CDH12: variants seen among roughly 807,000 people sequenced by gnomAD.
The protein encoded by CDH12 is cadherin 12.
A neutral mutation model predicts 74.1 loss-of-function variants in CDH12; 41 were observed. That is an observed-to-expected ratio of 0.55 (90% confidence interval 0.43 to 0.72). The LOEUF (loss-of-function observed/expected upper bound fraction) is 0.72, where lower values mean the gene tolerates loss of function less well. CDH12 is among the 30% of genes least tolerant of loss of function. CDH12 has a pLI of 0.00. For synonymous variants in CDH12, 399 were observed against 355.0 expected (o/e 1.12, Z -1.39); for missense variants, 945 against 977.2 (o/e 0.97, Z 0.44).
intron 4 of CDH12, among the ~76,000 whole-genome samples, chr5:22,093,918 A>T (rs1743588261): frequency 1.3e-5 from 2 of 152,296 alleles, no homozygotes; most frequent in Admixed American, 1.3e-4. Context: ...ATGTGTTAAT[A>T]TATTTTACAT....
chr5:22,316,696 T>G (rs1181542210), intron 3 of CDH12, among the ~76,000 whole-genome samples: 2 of 152,138 alleles, frequency 1.3e-5, no homozygotes, highest in East Asian at 3.8e-4. Flanking sequence ...AATGTTTATG[T>G]TGTTATTTTT....
At chr5:22,580,014 A>G (rs1444324468) in intron 1 of CDH12, among the ~76,000 whole-genome samples, 1 of 152,010 alleles carries the variant, frequency 6.6e-6, no homozygotes, top group South Asian at 2.1e-4. Context: ...CCCCGCTCAC[A>G]TTAACTCTAG....
chr5:21,760,536 A>C, intron 13 of CDH12, 22 bp downstream of exon 13: 1 of 1,213,464 alleles, frequency 8.2e-7, no homozygotes, highest in Non-Finnish European at 1.2e-6. Flanking sequence ...TAAGAGGTAA[A>C]TTTTTCTGTA....
At chr5:21,935,671 C>T (rs551779350) in intron 6 of CDH12, among the ~76,000 whole-genome samples, 1 of 152,324 alleles carries the variant, frequency 6.6e-6, no homozygotes, top group African/African-American at 2.4e-5. Context: ...GTTGTGCTAG[C>T]AAATGCTAGG....
intron 8 of CDH12, among the ~76,000 whole-genome samples, chr5:21,832,860 AT>A (rs1356843929): frequency 6.8e-5 from 2 of 29,310 alleles, no homozygotes; most frequent in African/African-American, 1.8e-4. Context: ...TATATGATAT[AT>A]ATCATATGAT....
chr5:21,993,668 T>C (rs558996870), intron 5 of CDH12, among the ~76,000 whole-genome samples: 3 of 152,242 alleles, frequency 2.0e-5, no homozygotes, highest in African/African-American at 4.8e-5. Flanking sequence ...CAAAGCTGCT[T>C]CTTCCCTAAG....
chr5:22,823,378 TATA>T (rs767344950), intron 1 of CDH12, among the ~76,000 whole-genome samples: 2 of 151,976 alleles, frequency 1.3e-5, no homozygotes, highest in Non-Finnish European at 2.9e-5. Flanking sequence ...AAACTTAAAG[TATA>T]ATAATAATTT....
At chr5:21,790,542 T>C (rs1727555270) in intron 10 of CDH12, among the ~76,000 whole-genome samples, 2 of 152,122 alleles carry the variant, frequency 1.3e-5, no homozygotes. Flanking sequence ...TTTATTCACT[T>C]ACCTTGTGCA....
intron 5 of CDH12, among the ~76,000 whole-genome samples, chr5:21,993,255 G>A (rs1471732469): frequency 6.6e-6 from 1 of 152,126 alleles, no homozygotes; most frequent in African/African-American, 2.4e-5. Context: ...AACCTACAGA[G>A]TAGTAGGAAG....
intron 1 of CDH12, among the ~76,000 whole-genome samples, chr5:22,836,120 G>A (rs1337936777): frequency 6.6e-6 from 1 of 151,214 alleles, no homozygotes; most frequent in Non-Finnish European, 1.5e-5. Flanking sequence ...AATAGTGCAA[G>A]AGGATTTGGA....
chr5:22,036,692 A>G (rs1739212820), intron 5 of CDH12, among the ~76,000 whole-genome samples: 1 of 152,230 alleles, frequency 6.6e-6, no homozygotes, highest in African/African-American at 2.4e-5. Flanking sequence ...GTCATCTGGA[A>G]ATAGAAAATA....
At chr5:22,452,210 T>C (rs768729535) in intron 2 of CDH12, among the ~76,000 whole-genome samples, 1 of 151,712 alleles carries the variant, frequency 6.6e-6, no homozygotes, top group Non-Finnish European at 1.5e-5. Context: ...CTTCACAAAA[T>C]AGAAAAATAT....
chr5:21,802,211 G>A lies in CDH12; in HGVS notation c.1212C>T (p.Gly404=), dbSNP rs199520573. 282 of 1,613,616 alleles carry A rather than the reference G, an allele frequency of 1.7e-4. No individual in the cohort carries two copies. The highest frequency in any genetic ancestry group is 2.3e-4 in the Non-Finnish European group (267 of 1,179,808). ...YEDTPVGTII[G]AVTAQDLDVG... ...CATCCAGGTCTTGAGCAGTGACAGC[G>A]CCAATGATGGTCCCTACCGGAGTGT... is the stretch of plus-strand genomic sequence containing the variant. The change falls in exon 10 of 15, where the codon GGC becomes GGT. Residue 404 remains glycine (G), a synonymous_variant. Coordinates refer to ENST00000382254, the MANE Select transcript of CDH12 (RefSeq NM_004061.5).
chr5:22,397,107 C>G (rs1182232095), intron 3 of CDH12, among the ~76,000 whole-genome samples: 2 of 152,068 alleles, frequency 1.3e-5, no homozygotes, highest in Non-Finnish European at 2.9e-5. Flanking sequence ...TATCTCCCTG[C>G]CTCCCTTGTA....
intron 6 of CDH12, among the ~76,000 whole-genome samples, chr5:21,949,237 T>C (rs1755716029): frequency 6.6e-6 from 1 of 151,720 alleles, no homozygotes; most frequent in African/African-American, 2.4e-5. Context: ...GATCACGAGG[T>C]CAGGAGATCG....
chr5:22,619,554 A>G (rs1012916770), intron 1 of CDH12, among the ~76,000 whole-genome samples: 4 of 151,788 alleles, frequency 2.6e-5, no homozygotes, highest in Admixed American at 2.0e-4. Context: ...GAAATCTTTT[A>G]TTTTTTTAAA....
chr5:21,882,921 G>GA, intron 6 of CDH12: 1 of 1,604,594 alleles, frequency 6.2e-7, no homozygotes, highest in African/African-American at 1.3e-5. Flanking sequence ...AGAATCTGGG[G>GA]ATGGCACTAC....
At chr5:22,389,519 A>T (rs1742138421) in intron 3 of CDH12, among the ~76,000 whole-genome samples, 1 of 152,194 alleles carries the variant, frequency 6.6e-6, no homozygotes, top group South Asian at 2.1e-4. Flanking sequence ...AAAAAATACA[A>T]TATTTCTTTT....
intron 8 of CDH12, among the ~76,000 whole-genome samples, chr5:21,818,384 A>T (rs1561211152): frequency 6.6e-6 from 1 of 152,022 alleles, no homozygotes; most frequent in Non-Finnish European, 1.5e-5. Context: ...GTGAGAAAAA[A>T]ATCAATCACA....
Sources: allele counts gnomAD v4.1 joint callset (sites outside exome capture counted in the v4.1 genomes callset), GRCh38; gene constraint gnomAD v4.1.1; transcripts MANE v1.5; gene names NCBI Gene and HGNC (gene_info 2026-07-23, HGNC 2026-07-21).